Variants in NXPH1 observed in about 807,000 individuals in gnomAD.
The protein encoded by NXPH1 is neurexophilin-1.
NXPH1 carries 5 observed loss-of-function variants against 23.7 expected under a neutral mutation model. That is an observed-to-expected ratio of 0.21 (90% CI 0.11 to 0.44). NXPH1 has a LOEUF of 0.44. NXPH1 is among the 20% of genes least tolerant of loss of function. The pLI, the probability that NXPH1 is intolerant of heterozygous loss-of-function variation, is 0.99. For missense variants in NXPH1, 324 were observed against 321.6 expected, an observed-to-expected ratio of 1.01 and a Z score of -0.06; for synonymous variants, 144 against 122.2, an observed-to-expected ratio of 1.18 and a Z score of -1.18.
intron 2 of NXPH1, among the ~76,000 whole-genome samples, chr7:8,439,532 T>A (rs1325309638): frequency 2.0e-5 from 3 of 152,378 alleles, no homozygotes; most frequent in East Asian, 1.9e-4. Context: ...ACAGCTCTAT[T>A]CTAATGAGAA....
At chr7:8,610,294 A>G (rs1445308132) in intron 2 of NXPH1, among the ~76,000 whole-genome samples, 1 of 152,156 alleles carries the variant, frequency 6.6e-6, no homozygotes. Context: ...TAGCACAAGA[A>G]TGTTGAATTA....
At chr7:8,468,385 G>A (rs1201947011) in intron 2 of NXPH1, among the ~76,000 whole-genome samples, 1 of 152,026 alleles carries the variant, frequency 6.6e-6, no homozygotes, top group Non-Finnish European at 1.5e-5. Context: ...CTTGAAAAAT[G>A]TCTTCTTTGA....
intron 2 of NXPH1, among the ~76,000 whole-genome samples, chr7:8,599,167 G>C (rs781341832): frequency 1.3e-5 from 2 of 152,110 alleles, no homozygotes; most frequent in Non-Finnish European, 2.9e-5. Context: ...AAGAGATGAA[G>C]AAGCAGTTCT....
At chr7:8,523,605 T>C (rs1817811886) in intron 2 of NXPH1, among the ~76,000 whole-genome samples, 1 of 152,198 alleles carries the variant, frequency 6.6e-6, no homozygotes, top group Non-Finnish European at 1.5e-5. Context: ...GGTTAAGTAA[T>C]CTTTTTTTCT....
At chr7:8,620,117 G>A (rs1400057668) in intron 2 of NXPH1, among the ~76,000 whole-genome samples, 1 of 152,100 alleles carries the variant, frequency 6.6e-6, no homozygotes, top group African/African-American at 2.4e-5. Context: ...TCACCTCAGT[G>A]CAACACAGAA....
intron 2 of NXPH1, among the ~76,000 whole-genome samples, chr7:8,682,588 T>C (rs774464852): frequency 3.7e-4 from 56 of 152,110 alleles, no homozygotes; most frequent in Non-Finnish European, 6.9e-4. Context: ...TGGGGAAAAA[T>C]CACTTGAAAT....
intron 2 of NXPH1, among the ~76,000 whole-genome samples, chr7:8,573,368 G>T (rs1025663990): frequency 5.3e-5 from 8 of 151,810 alleles, no homozygotes; most frequent in African/African-American, 1.9e-4. Context: ...GGGAATTAAG[G>T]GTATAAAACG....
intron 2 of NXPH1, among the ~76,000 whole-genome samples, chr7:8,484,591 T>A (rs774992314): frequency 6.6e-6 from 1 of 152,184 alleles, no homozygotes; most frequent in Non-Finnish European, 1.5e-5. Context: ...CATAACCACT[T>A]CATAAGTTGC....
At chr7:8,536,637 A>G (rs1264731954) in intron 2 of NXPH1, among the ~76,000 whole-genome samples, 1 of 151,932 alleles carries the variant, frequency 6.6e-6, no homozygotes, top group Non-Finnish European at 1.5e-5. Context: ...TCATTGGTTC[A>G]CTTGCTCTTA....
chr7:8,473,301 T>A (rs1014169722), intron 2 of NXPH1, among the ~76,000 whole-genome samples: 1 of 152,136 alleles, frequency 6.6e-6, no homozygotes, highest in African/African-American at 2.4e-5. Flanking sequence ...CTAAGTTAGT[T>A]GTTTCAATGC....
chr7:8,699,703 A>T (rs1246521642), intron 2 of NXPH1, among the ~76,000 whole-genome samples: 3 of 152,146 alleles, frequency 2.0e-5, no homozygotes, highest in Non-Finnish European at 4.4e-5. Flanking sequence ...TACAAGTTAA[A>T]ATAATCTGTC....
At chr7:8,630,777 T>A (rs1820109520) in intron 2 of NXPH1, among the ~76,000 whole-genome samples, 1 of 152,186 alleles carries the variant, frequency 6.6e-6, no homozygotes, top group Non-Finnish European at 1.5e-5. Context: ...TCTCCTTTTT[T>A]AACTTTTAAC....
intron 2 of NXPH1, among the ~76,000 whole-genome samples, chr7:8,541,722 T>C (rs933837613): frequency 5.9e-5 from 9 of 151,526 alleles, no homozygotes; most frequent in Admixed American, 5.3e-4. Flanking sequence ...AAAGCACAAA[T>C]GCCAGAAGGG....
chr7:8,608,659 G>A (rs1348684201), intron 2 of NXPH1, among the ~76,000 whole-genome samples: 3 of 152,050 alleles, frequency 2.0e-5, no homozygotes, highest in African/African-American at 7.2e-5. Context: ...TTGCAGCTTT[G>A]AAAACATTGA....
chr7:8,723,708 A>T (rs999858208), intron 2 of NXPH1, among the ~76,000 whole-genome samples: 1 of 152,190 alleles, frequency 6.6e-6, no homozygotes, highest in Non-Finnish European at 1.5e-5. Context: ...AAGGATTTGT[A>T]TAGGGTGCTA....
chr7:8,669,702 C>T (rs908277202), intron 2 of NXPH1, among the ~76,000 whole-genome samples: 2 of 152,078 alleles, frequency 1.3e-5, no homozygotes, highest in African/African-American at 4.8e-5. Flanking sequence ...GAGTCCAAGG[C>T]CAAGTCCACT....
At chr7:8,739,280 G>A (rs998530596) in intron 2 of NXPH1, among the ~76,000 whole-genome samples, 1 of 150,856 alleles carries the variant, frequency 6.6e-6, no homozygotes, top group African/African-American at 2.4e-5. Context: ...GGTGGTATAG[G>A]CACCCGAGGG....
chr7:8,493,308 A>G, intron 2 of NXPH1, among the ~76,000 whole-genome samples: 1 of 152,066 alleles, frequency 6.6e-6, no homozygotes, highest in East Asian at 1.9e-4. Flanking sequence ...TTTTAACCCT[A>G]TAGCTCTGGC....
At chr7:8,533,214 G>C (rs551451767) in intron 2 of NXPH1, among the ~76,000 whole-genome samples, 21 of 152,190 alleles carry the variant, frequency 1.4e-4, no homozygotes, top group African/African-American at 4.6e-4. Context: ...TGTATTTTCA[G>C]CTATAGATCA....
Sources: gnomAD v4.1 joint callset for allele counts (sites outside exome capture counted in the v4.1 genomes callset) on GRCh38, gnomAD v4.1.1 for gene constraint, MANE v1.5 for transcripts, NCBI Gene and HGNC (gene_info 2026-07-23, HGNC 2026-07-21) for gene names.